The following CLNK variants were observed in gnomAD, a reference collection of about 807,000 sequenced individuals.
The protein encoded by CLNK is cytokine dependent hematopoietic cell linker.
In CLNK, 74 loss-of-function variants were observed where a neutral mutation model predicts 68.6. The observed-to-expected ratio is 1.08, with a 90% confidence interval of 0.89 to 1.31. CLNK has a LOEUF of 1.31. CLNK is among the 50% of genes most tolerant of loss of function. CLNK has a pLI of 0.00. For synonymous variants in CLNK, 198 were observed against 172.2 expected, an observed-to-expected ratio of 1.15 and a Z score of -1.17; for missense variants, 553 against 515.3, an observed-to-expected ratio of 1.07 and a Z score of -0.71.
intron 17 of CLNK, among the ~76,000 whole-genome samples, chr4:10,506,215 C>T (rs1000963833): frequency 6.6e-6 from 1 of 152,176 alleles, no homozygotes; most frequent in East Asian, 1.9e-4. Context: ...CTCCTTTTGG[C>T]CACATGTAGG....
intron 11 of CLNK, among the ~76,000 whole-genome samples, 185 bp downstream of exon 11, chr4:10,540,309 G>A (rs552127225): frequency 9.8e-5 from 15 of 152,326 alleles, no homozygotes; most frequent in Middle Eastern, 3.4e-3. Context: ...ATGTGAAACT[G>A]TGGGTCAATT....
In CLNK at chr4:10,620,153, C is replaced by T. The variant is rs1336521934; in HGVS notation, c.12-22104G>A. Among the ~76,000 whole-genome samples the T allele has an allele frequency of 2.0e-5, 3 of 152,152 alleles. No homozygotes were observed. In the East Asian group the frequency reaches 5.8e-4, roughly 29 times the overall value. On this transcript the variant is annotated intron_variant, in intron 2 of 18. Coordinates refer to ENST00000226951, the MANE Select transcript of CLNK (RefSeq NM_052964.4). Reference sequence around the variant, plus strand: ...TCTTAGACGCATCCTCCTCCCTTTCCTCAGAGCCTAAGCACTCACATCTCC... The same window carrying T: ...TCTTAGACGCATCCTCCTCCCTTTCTTCAGAGCCTAAGCACTCACATCTCC...
At chr4:10,718,614 A>C in the CLNK span, among the ~76,000 whole-genome samples, 1 of 152,094 alleles carries the variant, frequency 6.6e-6, no homozygotes, top group Non-Finnish European at 1.5e-5. Context: ...AAAAAACTAG[A>C]AGAATTCGTC....
chr4:10,548,994 T>C (rs545468532), intron 8 of CLNK, among the ~76,000 whole-genome samples: 1 of 152,338 alleles, frequency 6.6e-6, no homozygotes, highest in East Asian at 1.9e-4. Context: ...TCAGGGTCTT[T>C]TGTGTTACTC....
At chr4:10,565,495 A>T (rs1215358143) in intron 6 of CLNK, among the ~76,000 whole-genome samples, 1 of 152,138 alleles carries the variant, frequency 6.6e-6, no homozygotes, top group African/African-American at 2.4e-5. Context: ...AGGTCCTCTT[A>T]TTCTTAACAA....
the CLNK span, among the ~76,000 whole-genome samples, chr4:10,728,402 G>GTGTGTGTGTC: frequency 6.6e-6 from 1 of 151,458 alleles, no homozygotes. Context: ...GTGTGTGTGT[G>GTGTGTGTGTC]TGTGTGTGTG....
the CLNK span, among the ~76,000 whole-genome samples, chr4:10,709,550 T>C: frequency 1.3e-5 from 2 of 152,210 alleles, no homozygotes. Context: ...AAAATGGCCA[T>C]AATTCTCTAT....
chr4:10,676,375 C>A (rs1173533294), intron 1 of CLNK, among the ~76,000 whole-genome samples: 1 of 142,268 alleles, frequency 7.0e-6, no homozygotes, highest in African/African-American at 2.6e-5. Context: ...AAGTCAAATG[C>A]ATTGTTATTA....
intron 2 of CLNK, among the ~76,000 whole-genome samples, chr4:10,630,797 T>A (rs1246212754): frequency 6.6e-6 from 1 of 152,240 alleles, no homozygotes; most frequent in Non-Finnish European, 1.5e-5. Context: ...GCCTGGTCAC[T>A]GTGCTAGGTA....
chr4:10,598,038 T>C lies in CLNK; in HGVS notation c.23A>G (p.Lys8Arg), dbSNP rs1360787108. 1.3e-6 allele frequency: 2 copies of C among 1,584,854 alleles called. No individual in the cohort carries two copies. The highest frequency in any genetic ancestry group is 2.3e-5 in the South Asian group (2 of 86,824). Residue 8 changes from lysine to arginine, a missense_variant, in exon 3 of 19, where the codon AAG becomes AGG. Transcript: ENST00000226951. ...ATCGTTGGATCCTTCTTTAGTTGTC[T>C]TTCTATTGCCCCTGGGATGAAAGAA... MNRQGNR[K>R]TTKEGSNDLK... is the part of the protein sequence containing the mutation.
chr4:10,613,176 T>C (rs1722097760), intron 2 of CLNK, among the ~76,000 whole-genome samples: 1 of 151,712 alleles, frequency 6.6e-6, no homozygotes, highest in Non-Finnish European at 1.5e-5. Context: ...GAATCAGGAA[T>C]GGGTATAGCA....
the CLNK span, among the ~76,000 whole-genome samples, chr4:10,691,442 G>A: frequency 6.6e-6 from 1 of 152,160 alleles, no homozygotes; most frequent in Admixed American, 6.6e-5. Flanking sequence ...AAGGTGAGTA[G>A]GGAAAAGAAC....
the CLNK span, among the ~76,000 whole-genome samples, chr4:10,710,452 T>C: frequency 1.3e-5 from 2 of 152,336 alleles, no homozygotes; most frequent in East Asian, 3.9e-4. Context: ...TTTTCTGGAA[T>C]GCGTTCCTTA....
intron 2 of CLNK, among the ~76,000 whole-genome samples, chr4:10,642,748 G>A (rs1262621470): frequency 6.6e-6 from 1 of 152,146 alleles, no homozygotes; most frequent in Non-Finnish European, 1.5e-5. Context: ...TGGGTAGCTG[G>A]GAAAGTCATC....
upstream of CLNK, among the ~76,000 whole-genome samples, chr4:10,688,991 G>C (rs544219860): frequency 2.6e-5 from 4 of 151,728 alleles, no homozygotes; most frequent in South Asian, 6.3e-4. Context: ...ATTTTGTGCA[G>C]AAACAGATTT....
chr4:10,514,813 C>A (rs1717757996), intron 15 of CLNK, among the ~76,000 whole-genome samples: 1 of 151,764 alleles, frequency 6.6e-6, no homozygotes, highest in Non-Finnish European at 1.5e-5. Context: ...AGTGAACAGG[C>A]AACCTACAAC....
chr4:10,649,590 C>T (rs1288289130), intron 2 of CLNK, among the ~76,000 whole-genome samples: 1 of 152,126 alleles, frequency 6.6e-6, no homozygotes, highest in Non-Finnish European at 1.5e-5. Context: ...CCCTAAAGAG[C>T]TGCTCTCTCA....
chr4:10,711,826 C>T, the CLNK span, among the ~76,000 whole-genome samples: 29 of 152,260 alleles, frequency 1.9e-4, no homozygotes, highest in East Asian at 5.4e-3. Context: ...GAAGTATTTA[C>T]AAGAAGAATT....
At chr4:10,605,537 T>C (rs1486491449) in intron 2 of CLNK, among the ~76,000 whole-genome samples, 2 of 151,878 alleles carry the variant, frequency 1.3e-5, no homozygotes, top group Non-Finnish European at 1.5e-5. Context: ...ATAAAAAAGG[T>C]ACACCTGGGT....
Sources: gnomAD v4.1 joint callset for allele counts (sites outside exome capture counted in the v4.1 genomes callset) on GRCh38, gnomAD v4.1.1 for gene constraint, MANE v1.5 for transcripts, NCBI Gene and HGNC (gene_info 2026-07-23, HGNC 2026-07-21) for gene names.